The following RABGAP1L variants were observed in gnomAD, a reference collection of about 807,000 sequenced individuals.
RABGAP1L encodes the protein rab GTPase-activating protein 1-like.
RABGAP1L carries 63 observed loss-of-function variants against 137.7 expected under a neutral mutation model. The ratio of observed to expected loss-of-function variants is 0.46; its 90% confidence interval spans 0.37 to 0.56. The LOEUF (loss-of-function observed/expected upper bound fraction) is 0.56, where lower values mean the gene tolerates loss of function less well. RABGAP1L is among the 20% of genes least tolerant of loss of function. The probability of loss-of-function intolerance (pLI) is 0.00; values close to 1 mark genes in which losing one functional copy is unlikely to be tolerated. For missense variants in RABGAP1L, 1,095 were observed against 1,244.0 expected, an observed-to-expected ratio of 0.88 and a Z score of 1.80; for synonymous variants, 431 against 433.7, an observed-to-expected ratio of 0.99 and a Z score of 0.08.
At chr1:174,427,231 A>G (rs1444032022) in intron 13 of RABGAP1L, among the ~76,000 whole-genome samples, 2 of 151,016 alleles carry the variant, frequency 1.3e-5, no homozygotes, top group East Asian at 1.9e-4. Context: ...ACATTATTGC[A>G]TTGTGCTGCT....
At chr1:174,257,961 G>A (rs572634974) in intron 7 of RABGAP1L, among the ~76,000 whole-genome samples, 1 of 152,276 alleles carries the variant, frequency 6.6e-6, no homozygotes, top group Non-Finnish European at 1.5e-5. Context: ...ATATCCAACA[G>A]TAATTACTGA....
chr1:174,597,143 A>G (rs1670006717), intron 13 of RABGAP1L, among the ~76,000 whole-genome samples: 1 of 151,956 alleles, frequency 6.6e-6, no homozygotes, highest in Admixed American at 6.6e-5. Context: ...GATTTTTTGT[A>G]TCAATGTTCG....
chr1:174,329,260 G>T (rs1053056145), intron 11 of RABGAP1L, among the ~76,000 whole-genome samples: 1 of 152,016 alleles, frequency 6.6e-6, no homozygotes, highest in South Asian at 2.1e-4. Flanking sequence ...ATTTTTGAAC[G>T]CATACAACCT....
rs954292338 is a variant in RABGAP1L at position 174,994,988 on chromosome 1, T to C, written c.*4987T>C. ...AAATAAACGTTAGTGATCAGCCTCT[T>C]CCTCTATAAACAATGACCAATTAGA... On this transcript the variant is annotated 3_prime_UTR_variant, in exon 26 of 26. Coordinates refer to ENST00000681986, the MANE Select transcript of RABGAP1L (RefSeq NM_001366446.1). 4 of 152,378 alleles carry C rather than the reference T, an allele frequency of 2.6e-5. No individual in the cohort carries two copies. Among genetic ancestry groups the C allele is most frequent in the Non-Finnish European group, 5.9e-5 (4 of 68,038 alleles). 9.4% of individuals were successfully genotyped at this position (152,378 alleles called of 1,614,324 possible).
At chr1:174,687,308 A>G (rs1678551992) in intron 15 of RABGAP1L, among the ~76,000 whole-genome samples, 1 of 152,290 alleles carries the variant, frequency 6.6e-6, no homozygotes, top group South Asian at 2.1e-4. Context: ...ACAGAAATTC[A>G]GTCTAGTCTC....
At chr1:174,900,962 C>T (rs1322557168) in intron 19 of RABGAP1L, among the ~76,000 whole-genome samples, 1 of 151,968 alleles carries the variant, frequency 6.6e-6, no homozygotes, top group African/African-American at 2.4e-5. Context: ...TTTACATAAT[C>T]CCATATTTCT....
At chr1:174,885,340 C>G (rs1211785810) in intron 19 of RABGAP1L, among the ~76,000 whole-genome samples, 1 of 152,076 alleles carries the variant, frequency 6.6e-6, no homozygotes, top group East Asian at 1.9e-4. Context: ...CACTGGATAC[C>G]TAGCACATAG....
At chr1:174,638,216 ACAT>A (rs1674221979) in intron 14 of RABGAP1L, among the ~76,000 whole-genome samples, 1 of 152,214 alleles carries the variant, frequency 6.6e-6, no homozygotes, top group African/African-American at 2.4e-5. Context: ...AAAAAGGCAA[ACAT>A]CATGGCTAAT....
intron 13 of RABGAP1L, among the ~76,000 whole-genome samples, chr1:174,437,724 C>T (rs1303563525): frequency 6.6e-6 from 1 of 152,094 alleles, no homozygotes; most frequent in Non-Finnish European, 1.5e-5. Flanking sequence ...GAGAAAACCA[C>T]AAAGATACTC....
intron 1 of RABGAP1L, among the ~76,000 whole-genome samples, chr1:174,161,313 G>T (rs1664428236): frequency 6.6e-6 from 1 of 151,842 alleles, no homozygotes; most frequent in Non-Finnish European, 1.5e-5. Flanking sequence ...CGCGATCTCG[G>T]CTCACCACAA....
intron 21 of RABGAP1L, among the ~76,000 whole-genome samples, chr1:174,974,241 C>T (rs1335135255): frequency 2.6e-5 from 4 of 151,964 alleles, no homozygotes; most frequent in Non-Finnish European, 4.4e-5. Context: ...CAGCCTGCCT[C>T]GGCCTCCCAG....
At chr1:174,918,877 A>T (rs1276157222) in intron 19 of RABGAP1L, among the ~76,000 whole-genome samples, 1 of 152,118 alleles carries the variant, frequency 6.6e-6, no homozygotes, top group Non-Finnish European at 1.5e-5. Context: ...TTTGTCTCGT[A>T]CAGTGGCATG....
intron 13 of RABGAP1L, among the ~76,000 whole-genome samples, chr1:174,516,556 A>C (rs1053290470): frequency 4.1e-4 from 63 of 152,188 alleles, no homozygotes; most frequent in African/African-American, 1.4e-3. Flanking sequence ...ACATCCTTGA[A>C]TCAATGACTA....
At chr1:174,744,090 T>TAAAAAAA (rs10694829) in intron 17 of RABGAP1L, among the ~76,000 whole-genome samples, 18 of 45,132 alleles carry the variant, frequency 4.0e-4, no homozygotes, top group African/African-American at 1.3e-3. Context: ...GTGAAATACG[T>TAAAAAAA]AAAAAAAAAA....
intron 15 of RABGAP1L, among the ~76,000 whole-genome samples, chr1:174,694,235 C>A (rs964418641): frequency 5.3e-5 from 8 of 151,372 alleles, no homozygotes; most frequent in Non-Finnish European, 1.0e-4. Flanking sequence ...TTTTAGGGTA[C>A]ATGTGCACAA....
At chr1:174,414,734 T>C (rs1209604331) in intron 13 of RABGAP1L, among the ~76,000 whole-genome samples, 2 of 152,128 alleles carry the variant, frequency 1.3e-5, no homozygotes, top group African/African-American at 4.8e-5. Flanking sequence ...TCTTACTTTT[T>C]TTCACCACAT....
chr1:174,204,238 A>T (rs1668340139), intron 1 of RABGAP1L, among the ~76,000 whole-genome samples: 1 of 152,186 alleles, frequency 6.6e-6, no homozygotes, highest in African/African-American at 2.4e-5. Context: ...CGTGTGAGCC[A>T]CTGTGCCTGG....
intron 19 of RABGAP1L, among the ~76,000 whole-genome samples, chr1:174,920,788 T>C (rs542065953): frequency 1.3e-5 from 2 of 152,252 alleles, no homozygotes; most frequent in African/African-American, 4.8e-5. Context: ...AGGGAGAAGA[T>C]GGCCATCTAC....
At chr1:174,446,872 G>A (rs1654830226) in intron 13 of RABGAP1L, among the ~76,000 whole-genome samples, 1 of 152,150 alleles carries the variant, frequency 6.6e-6, no homozygotes, top group Non-Finnish European at 1.5e-5. Context: ...TAGCAACATA[G>A]AACATGAAGC....
Sources: allele counts gnomAD v4.1 joint callset (sites outside exome capture counted in the v4.1 genomes callset), GRCh38; gene constraint gnomAD v4.1.1; transcripts MANE v1.5; gene names NCBI Gene and HGNC (gene_info 2026-07-23, HGNC 2026-07-21).